Variants in BCKDHB observed in about 807,000 individuals in gnomAD.
BCKDHB encodes the protein branched chain keto acid dehydrogenase E1 subunit beta, also known as 2-oxoisovalerate dehydrogenase subunit beta, mitochondrial.
In BCKDHB, 41 loss-of-function variants were observed where a neutral mutation model predicts 48.5. That is an observed-to-expected ratio of 0.85 (90% confidence interval 0.66 to 1.10). The LOEUF (loss-of-function observed/expected upper bound fraction) is 1.10, where lower values mean the gene tolerates loss of function less well. Among genes scored for constraint, BCKDHB ranks in the 50% least tolerant of loss-of-function variants. The pLI, the probability that BCKDHB is intolerant of heterozygous loss-of-function variation, is 0.00. For synonymous variants in BCKDHB, 201 were observed against 174.8 expected (o/e 1.15, Z -1.18); for missense variants, 496 against 494.2 (o/e 1.00, Z -0.03).
intron 3 of BCKDHB, among the ~76,000 whole-genome samples, chr6:80,137,582 T>C (rs200072935): frequency 1.3e-5 from 2 of 152,142 alleles, no homozygotes; most frequent in East Asian, 3.8e-4. Flanking sequence ...ATTTAATATA[T>C]TTTGTAGGAT....
chr6:80,197,224 A>T (rs1200328218), intron 6 of BCKDHB, among the ~76,000 whole-genome samples: 1 of 152,220 alleles, frequency 6.6e-6, no homozygotes, highest in Non-Finnish European at 1.5e-5. Context: ...CCTGGAATAA[A>T]TATGTTTTAA....
the BCKDHB span, among the ~76,000 whole-genome samples, chr6:80,459,118 CTCA>C: frequency 6.6e-6 from 1 of 152,120 alleles, no homozygotes; most frequent in Admixed American, 6.5e-5. Flanking sequence ...ATCCAGTGAT[CTCA>C]CTTCTGGGTA....
intron 1 of BCKDHB, among the ~76,000 whole-genome samples, chr6:80,122,629 G>T (rs919865329): frequency 1.3e-5 from 2 of 152,054 alleles, no homozygotes; most frequent in Non-Finnish European, 2.9e-5. Flanking sequence ...AATTGGAGGG[G>T]GTTTAAAACA....
chr6:80,117,631 A>C (rs1769775675), intron 1 of BCKDHB, among the ~76,000 whole-genome samples: 2 of 152,230 alleles, frequency 1.3e-5, no homozygotes, highest in Non-Finnish European at 2.9e-5. Flanking sequence ...CCCAGGGCGG[A>C]AAACCGCTTA....
intron 8 of BCKDHB, among the ~76,000 whole-genome samples, chr6:80,271,054 T>A (rs1177314148): frequency 6.6e-6 from 1 of 152,140 alleles, no homozygotes; most frequent in Non-Finnish European, 1.5e-5. Flanking sequence ...CTTCCTTCAC[T>A]GCATTGCTCG....
chr6:80,155,844 T>TTTTTTG lies in BCKDHB; in HGVS notation c.344-11829_344-11828insGTTTTT, dbSNP rs1772016468. ...CCTCATAATAATGCAAAGTTGTTTT[T>TTTTTTG]TTTTTTTTTTTTAGGTTTTCTTTTT... On this transcript the variant is annotated intron_variant, in intron 3 of 9. Coordinates refer to ENST00000320393, the MANE Select transcript of BCKDHB (RefSeq NM_183050.4). 2.0e-5 allele frequency among the ~76,000 whole-genome samples: 3 copies of TTTTTTG among 151,854 alleles called. No homozygotes were observed. In the East Asian group the frequency reaches 5.8e-4, roughly 29 times the overall value.
chr6:80,192,276 A>G (rs1336381043), intron 6 of BCKDHB, among the ~76,000 whole-genome samples: 1 of 151,966 alleles, frequency 6.6e-6, no homozygotes, highest in African/African-American at 2.4e-5. Flanking sequence ...TTGTTAGGTA[A>G]TATTTTTTCC....
chr6:80,176,278 G>A (rs1773151732), intron 6 of BCKDHB, among the ~76,000 whole-genome samples: 1 of 152,174 alleles, frequency 6.6e-6, no homozygotes, highest in African/African-American at 2.4e-5. Context: ...TAAATGGTGT[G>A]TGATTGTGTG....
chr6:80,401,578 A>G, the BCKDHB span, among the ~76,000 whole-genome samples: 1 of 151,784 alleles, frequency 6.6e-6, no homozygotes, highest in Non-Finnish European at 1.5e-5. Flanking sequence ...TAAAGTACTC[A>G]GTCTCAGGTA....
intron 6 of BCKDHB, among the ~76,000 whole-genome samples, chr6:80,193,153 A>G (rs1773975929): frequency 6.6e-6 from 1 of 152,176 alleles, no homozygotes; most frequent in Middle Eastern, 3.4e-3. Context: ...AAAGATTCCT[A>G]ATTTATCTCA....
chr6:80,327,891 C>G (rs1582575153), intron 9 of BCKDHB, among the ~76,000 whole-genome samples: 2 of 124,248 alleles, frequency 1.6e-5, no homozygotes, highest in Admixed American at 8.8e-5. Flanking sequence ...CTCCCCTTTT[C>G]CCCTCCCCTT....
At chr6:80,422,243 G>A in the BCKDHB span, among the ~76,000 whole-genome samples, 4 of 152,216 alleles carry the variant, frequency 2.6e-5, no homozygotes, top group Admixed American at 6.5e-5. Context: ...AGCCTTGTTG[G>A]CTTCTATGTG....
chr6:80,155,097 T>C lies in BCKDHB; in HGVS notation c.344-12581T>C, dbSNP rs9688898. Among the ~76,000 whole-genome samples the C allele has an allele frequency of 9.3e-3, 1,421 of 152,284 alleles. 30 individuals are homozygous for C. The highest frequency in any genetic ancestry group is 0.033 in the African/African-American group (1,353 of 41,580). ...TTTTTAAAAGGACTTTAAAAACATATTCCTGATTAAGGAAGTTTTCCTGAT... is the reference window on the plus strand; with the variant it reads ...TTTTTAAAAGGACTTTAAAAACATACTCCTGATTAAGGAAGTTTTCCTGAT... On this transcript the variant is annotated intron_variant, in intron 3 of 9. Coordinates refer to ENST00000320393, the MANE Select transcript of BCKDHB (RefSeq NM_183050.4).
At chr6:80,251,392 C>T (rs756794086) in intron 8 of BCKDHB, among the ~76,000 whole-genome samples, 4 of 152,104 alleles carry the variant, frequency 2.6e-5, no homozygotes, top group Non-Finnish European at 4.4e-5. Context: ...GGTTGGAGGA[C>T]AGTATAAACT....
At chr6:80,375,258 G>T in the BCKDHB span, among the ~76,000 whole-genome samples, 3 of 152,146 alleles carry the variant, frequency 2.0e-5, no homozygotes, top group Non-Finnish European at 4.4e-5. Flanking sequence ...CAAACTTTTA[G>T]ATTTCTCTTC....
chr6:80,229,905 A>G (rs1182659013), intron 8 of BCKDHB, among the ~76,000 whole-genome samples: 3 of 151,990 alleles, frequency 2.0e-5, no homozygotes, highest in Non-Finnish European at 4.4e-5. Context: ...AAAAGAATAA[A>G]ATCTTAGGAA....
chr6:80,232,727 T>C (rs2127891652), intron 8 of BCKDHB, among the ~76,000 whole-genome samples: 1 of 147,418 alleles, frequency 6.8e-6, no homozygotes, highest in South Asian at 2.1e-4. Flanking sequence ...TAAAGAGATA[T>C]GTATGTTCTA....
the BCKDHB span, chr6:80,443,532 T>G: frequency 6.6e-6 from 1 of 152,224 alleles, no homozygotes; most frequent in Non-Finnish European, 1.5e-5. Flanking sequence ...ATGTTATCAC[T>G]GAGCAGGTAA....
chr6:80,322,195 C>CA (rs573468358), intron 9 of BCKDHB, among the ~76,000 whole-genome samples: 158 of 151,916 alleles, frequency 1.0e-3, no homozygotes, highest in African/African-American at 3.7e-3. Flanking sequence ...GCCAGCTTCT[C>CA]ACACATTCTC....
Sources: gnomAD v4.1 joint callset for allele counts (sites outside exome capture counted in the v4.1 genomes callset) on GRCh38, gnomAD v4.1.1 for gene constraint, MANE v1.5 for transcripts, NCBI Gene and HGNC (gene_info 2026-07-23, HGNC 2026-07-21) for gene names.